The following OTOGL variants were observed in gnomAD, a reference collection of about 807,000 sequenced individuals.
OTOGL encodes the protein otogelin like, also known as otogelin-like protein.
OTOGL carries 285 observed loss-of-function variants against 318.5 expected under a neutral mutation model. The ratio of observed to expected loss-of-function variants is 0.89; its 90% confidence interval spans 0.81 to 0.99. The LOEUF (loss-of-function observed/expected upper bound fraction) is 0.99, where lower values mean the gene tolerates loss of function less well. Among genes scored for constraint, OTOGL ranks in the 50% least tolerant of loss-of-function variants. The probability of loss-of-function intolerance (pLI) is 0.00; values close to 1 mark genes in which losing one functional copy is unlikely to be tolerated. For missense variants in OTOGL, 2,899 were observed against 2,845.6 expected (o/e 1.02, Z -0.43); for synonymous variants, 987 against 936.5 (o/e 1.05, Z -0.99).
At chr12:80,282,529 G>C (rs1260787144) in intron 26 of OTOGL, among the ~76,000 whole-genome samples, 2 of 151,506 alleles carry the variant, frequency 1.3e-5, no homozygotes, top group Non-Finnish European at 3.0e-5. Flanking sequence ...GTTGCCTATA[G>C]GGTATTTTTT....
At chr12:80,253,369 G>A (rs555806898) in intron 13 of OTOGL, 97 bp from the exon 14 acceptor site, 43 of 1,063,518 alleles carry the variant, frequency 4.0e-5, no homozygotes, top group East Asian at 2.3e-4. Flanking sequence ...AGCATCATGC[G>A]TAGGTATTCA....
Position 80,368,199 on chromosome 12 carries a change from A to G in OTOGL, c.6511-6A>G. On this transcript the variant is annotated splice_polypyrimidine_tract_variant and splice_region_variant and intron_variant, in intron 54 of 58. Transcript: ENST00000547103. ...GGTGTCGCTAATCTAATATCATTAT[A>G]TGCAGCACCAGGTATATACTCCATC... 1.3e-6 allele frequency: 2 copies of G among 1,568,026 alleles called. No individual in the cohort carries two copies. Among genetic ancestry groups the G allele is most frequent in the Non-Finnish European group, 1.7e-6 (2 of 1,146,026 alleles).
At chr12:80,355,637 T>C (rs1889841175) in intron 46 of OTOGL, 99 bp from the exon 47 acceptor site, 7 of 860,754 alleles carry the variant, frequency 8.1e-6, no homozygotes, top group East Asian at 2.7e-5. Context: ...CACATCATTA[T>C]GTCACTGGGC....
chr12:80,233,973 A>AG, intron 9 of OTOGL, among the ~76,000 whole-genome samples: 1 of 116,392 alleles, frequency 8.6e-6, no homozygotes, highest in South Asian at 2.8e-4. Context: ...CAATAGTTTG[A>AG]GCACATAGCT....
At chr12:80,124,753 C>G (rs1248982901) in intron 1 of OTOGL, among the ~76,000 whole-genome samples, 1 of 151,964 alleles carries the variant, frequency 6.6e-6, no homozygotes, top group East Asian at 1.9e-4. Flanking sequence ...AGGTCCTTCA[C>G]ATCCCTTGTA....
chr12:80,257,906 AT>A lies in OTOGL; in HGVS notation c.1794del (p.Asp598GlufsTer18). ...GGTTTAAAGATTCTGTTTGCTATAGATGGGGAAAGAATTTATATTCAGCTTA... is the reference window on the plus strand; with the variant it reads ...GGTTTAAAGATTCTGTTTGCTATAGAGGGGAAAGAATTTATATTCAGCTTA... ...TFGLKILFAI[D>X]GERIYIQLTS... is the part of the protein sequence containing the mutation. On this transcript the variant is annotated frameshift_variant, in exon 18 of 59. Coordinates refer to ENST00000547103, the MANE Select transcript of OTOGL (RefSeq NM_001378609.3). LOFTEE classifies it high-confidence loss of function. The A allele has an allele frequency of 6.3e-7, 1 of 1,597,812 alleles. No individual in the cohort carries two copies. Among genetic ancestry groups the A allele is most frequent in the Non-Finnish European group, 8.5e-7 (1 of 1,178,854 alleles).
intron 11 of OTOGL, among the ~76,000 whole-genome samples, chr12:80,248,534 G>A (rs1203865281): frequency 5.3e-5 from 7 of 131,310 alleles, no homozygotes; most frequent in East Asian, 2.1e-4. Context: ...CGAGAGATCC[G>A]CTGTTAGTCT....
chr12:80,229,612 A>G (rs1879188502), intron 8 of OTOGL, among the ~76,000 whole-genome samples: 1 of 151,732 alleles, frequency 6.6e-6, no homozygotes, highest in Non-Finnish European at 1.5e-5. Flanking sequence ...TAAACATAGT[A>G]TGTTTACATG....
At chr12:80,118,931 C>T (rs1870326639) in intron 1 of OTOGL, among the ~76,000 whole-genome samples, 1 of 149,750 alleles carries the variant, frequency 6.7e-6, no homozygotes, top group African/African-American at 2.5e-5. Flanking sequence ...GGATATTAAG[C>T]AAGGTTTCTG....
At chr12:80,357,160 G>C (rs1287853822) in intron 49 of OTOGL, among the ~76,000 whole-genome samples, 1 of 152,122 alleles carries the variant, frequency 6.6e-6, no homozygotes, top group Non-Finnish European at 1.5e-5. Flanking sequence ...TTTAAATCAA[G>C]CTTTTTAAAT....
intron 30 of OTOGL, 121 bp from the exon 31 acceptor site, chr12:80,313,355 C>T: frequency 1.2e-6 from 1 of 869,338 alleles, no homozygotes; most frequent in Non-Finnish European, 1.8e-6. Context: ...AGAGAACTCT[C>T]TAGGTGGCAG....
chr12:80,145,478 A>C (rs1178737312), intron 1 of OTOGL, among the ~76,000 whole-genome samples: 1 of 151,892 alleles, frequency 6.6e-6, no homozygotes, highest in Admixed American at 6.6e-5. Flanking sequence ...GTATAGTTTG[A>C]AGTCAGGTAG....
Position 80,375,392 on chromosome 12 carries a change from A to T in OTOGL, c.6782-1731A>T, listed in dbSNP as rs1363656987. 2.0e-5 allele frequency among the ~76,000 whole-genome samples: 3 copies of T among 152,200 alleles called. No homozygotes were observed. The South Asian group carries it at 6.2e-4, about 31-fold the overall frequency. On this transcript the variant is annotated intron_variant, in intron 57 of 58. Coordinates refer to ENST00000547103, the MANE Select transcript of OTOGL (RefSeq NM_001378609.3). ...CATCTTTTTAGCCACTGGGACCATAATAGTGAATGAAGCAATGTCTGCATG... is the reference window on the plus strand; with the variant it reads ...CATCTTTTTAGCCACTGGGACCATATTAGTGAATGAAGCAATGTCTGCATG...
chr12:80,220,011 TTAAC>T, intron 6 of OTOGL, 99 bp downstream of exon 6: 1 of 854,732 alleles, frequency 1.2e-6, no homozygotes, highest in Non-Finnish European at 1.8e-6. Context: ...GAGTTGTATA[TTAAC>T]TAGAGAGCCC....
chr12:80,263,627 C>T (rs948562263), intron 19 of OTOGL, among the ~76,000 whole-genome samples: 2 of 152,004 alleles, frequency 1.3e-5, no homozygotes, highest in African/African-American at 4.8e-5. Context: ...CACACACATG[C>T]TATGTACATG....
At chr12:80,211,400 A>G (rs1040154272) in intron 3 of OTOGL, among the ~76,000 whole-genome samples, 2 of 152,202 alleles carry the variant, frequency 1.3e-5, no homozygotes, top group Non-Finnish European at 2.9e-5. Flanking sequence ...TTTTAAAAAT[A>G]AAATGTTTAT....
At chr12:80,121,510 A>G (rs1287758182) in intron 1 of OTOGL, among the ~76,000 whole-genome samples, 2 of 152,168 alleles carry the variant, frequency 1.3e-5, no homozygotes, top group Non-Finnish European at 2.9e-5. Flanking sequence ...TCCCTAGAGC[A>G]GAGAGTCTAT....
In OTOGL at chr12:80,355,224, CTTTTCTT is replaced by C. The variant is rs1889802993; in HGVS notation, c.5594-507_5594-501del. On this transcript the variant is annotated intron_variant, in intron 46 of 58. Transcript: ENST00000547103. ...ACTTTTTTCTTTTCTTTCTTTCTTT[CTTTTCTT>C]TTTTTTTTTTTTTTTTTGAGACAGG... 3.2e-4 allele frequency among the ~76,000 whole-genome samples: 21 copies of C among 65,626 alleles called. 2 individuals are homozygous for C. Among genetic ancestry groups the C allele is most frequent in the Admixed American group, 6.9e-4 (4 of 5,828 alleles). The allele number at this position is 65,626 out of a possible 152,430, so 43.1% of individuals were successfully genotyped here. A position where few individuals can be genotyped will look rare whatever the true frequency, so the allele number is the denominator to read the frequency against.
intron 7 of OTOGL, among the ~76,000 whole-genome samples, chr12:80,225,270 ACCC>A (rs1878728971): frequency 6.6e-6 from 1 of 151,570 alleles, no homozygotes; most frequent in Admixed American, 6.6e-5. Context: ...TCACTTGAAT[ACCC>A]TTTGACCTTC....
Sources: gnomAD v4.1 joint callset for allele counts (sites outside exome capture counted in the v4.1 genomes callset) on GRCh38, gnomAD v4.1.1 for gene constraint, MANE v1.5 for transcripts, NCBI Gene and HGNC (gene_info 2026-07-23, HGNC 2026-07-21) for gene names.